GGCX: variants seen among roughly 807,000 people sequenced by gnomAD.
GGCX encodes vitamin K-dependent gamma-carboxylase.
Under a neutral mutation model 88.5 loss-of-function variants are expected in GGCX, and 63 were observed. The observed-to-expected ratio is 0.71, with a 90% CI of 0.58 to 0.88. The LOEUF (loss-of-function observed/expected upper bound fraction) is 0.88. GGCX is among the 40% of genes least tolerant of loss of function. GGCX has a pLI of 0.00. For synonymous variants in GGCX, 368 were observed against 365.8 expected (o/e 1.01, Z -0.07); for missense variants, 805 against 932.9 (o/e 0.86, Z 1.79).
chr2:85,545,964 C>G lies in GGCX; in HGVS notation c.*3970G>C, dbSNP rs575467767. ...TTTATGGCAGGTTGTGTAGAAAATC[C>G]GCAGACCACACTGCTCTTGAACCTA... On this transcript the variant is annotated 3_prime_UTR_variant, in exon 15 of 15. Coordinates refer to ENST00000233838, the MANE Select transcript of GGCX (RefSeq NM_000821.7). 1 of 152,098 alleles carries G rather than the reference C, an allele frequency of 6.6e-6. No individual in the cohort carries two copies. The highest frequency in any genetic ancestry group is 2.4e-5 in the African/African-American group (1 of 41,408). The allele number at this position is 152,098 out of a possible 1,614,324, so 9.4% of individuals were successfully genotyped here.
chr2:85,551,110 T>G, intron 12 of GGCX, 38 bp from the exon 13 acceptor site: 1 of 1,600,246 alleles, frequency 6.2e-7, no homozygotes, highest in Middle Eastern at 1.7e-4. Flanking sequence ...TTCATCAGCT[T>G]TTCTCTAGCC....
At position 85,551,569 on chromosome 2, in the gene GGCX, T is replaced by G. The variant is rs754910632; in HGVS notation, c.1651A>C (p.Thr551Pro). 1 of 1,613,996 alleles carries G rather than the reference T, an allele frequency of 6.2e-7. No homozygotes were observed. Among genetic ancestry groups the G allele is most frequent in the Non-Finnish European group, 8.5e-7 (1 of 1,179,930 alleles). ...TCCCCCTGCAGCAGCTGGATGCTAG[T>G]GTTGCCCAGGTCTTCACTCACAAAA... ...ENFVSEDLGN[T>P]SIQLLQGEVT... is the part of the protein sequence containing the mutation. Residue 551 changes from threonine (T) to proline (P), a missense_variant, in exon 12 of 15, where the codon ACT becomes CCT. This residue lies in a region of GGCX where 680 missense variants were observed against 763.7 expected (regional missense o/e 0.89). Transcript: ENST00000233838.
At position 85,554,273 on chromosome 2, in the gene GGCX, C is replaced by G; in HGVS notation, c.759G>C (p.Leu253=). ...GCAGCAGCCCACCCCAGTGCACGAC[C>G]AGCAGGCTAGTCAGCTCCTCAGACA... ...LLLSEELTSL[L]VVHWGGLLLD... The change falls in exon 7 of 15, where the codon CTG becomes CTC. Residue 253 remains leucine (L), a synonymous_variant. Transcript: ENST00000233838. 6.2e-7 allele frequency: 1 copy of G among 1,613,990 alleles called. No homozygotes were observed. The highest frequency in any genetic ancestry group is 8.5e-7 in the Non-Finnish European group (1 of 1,179,876).
rs774361507 is a variant in GGCX, at chr2:85,553,227, C to T, written c.1155+5G>A. ...TTTGCTGTACACTCCACAGCCCCTA[C>T]AAACCTGGGTGAGAAAATGAGAATA... On this transcript the variant is annotated splice_donor_5th_base_variant and intron_variant, in intron 8 of 14. Coordinates refer to ENST00000233838, the MANE Select transcript of GGCX (RefSeq NM_000821.7). The T allele has an allele frequency of 1.9e-6, 3 of 1,614,246 alleles. No homozygotes were observed. Among genetic ancestry groups the T allele is most frequent in the Non-Finnish European group, 1.7e-6 (2 of 1,180,032 alleles).
rs1692090349 is a variant in GGCX at position 85,553,907 on chromosome 2, T to C, written c.889+236A>G. The stretch of plus-strand genomic sequence containing the variant: ...TGAGCCACCAAGCCCGGCCACAAAG[T>C]AGTTCTTAACTGTAAGATATTTGTT... On this transcript the variant is annotated intron_variant, in intron 7 of 14. Transcript: ENST00000233838. 4.0e-5 allele frequency: 22 copies of C among 554,308 alleles called. No homozygotes were observed. The East Asian group carries it at 7.1e-4, about 18-fold the overall frequency. The allele number at this position is 554,308 out of a possible 1,614,324, so 34.3% of individuals were successfully genotyped here.
intron 1 of GGCX, 90 bp downstream of exon 1, chr2:85,561,296 C>G: frequency 1.3e-6 from 1 of 754,166 alleles, no homozygotes; most frequent in Admixed American, 2.6e-5. Context: ...CCCCGCCTCA[C>G]CGGGAGACAC....
Position 85,552,609 on chromosome 2 carries a change from A to T in GGCX, c.1288-42T>A, listed in dbSNP as rs758685382. On this transcript the variant is annotated intron_variant, in intron 9 of 14. Transcript: ENST00000233838. Reference sequence around the variant, plus strand: ...TATTAGTCCCACCTCATCATTATCAACTTCCAAGACATGTCATGCACTGCC... The same window carrying T: ...TATTAGTCCCACCTCATCATTATCATCTTCCAAGACATGTCATGCACTGCC... 2.5e-6 allele frequency: 4 copies of T among 1,581,450 alleles called. No individual in the cohort carries two copies. In the South Asian group the frequency reaches 4.4e-5, roughly 17 times the overall value.
At chr2:85,550,260 C>A in intron 14 of GGCX, 134 bp from the exon 15 acceptor site, 1 of 724,156 alleles carries the variant, frequency 1.4e-6, no homozygotes. Flanking sequence ...CCAAGTGACC[C>A]TCCATCTCCC....
chr2:85,550,815 C>T, intron 13 of GGCX, 65 bp from the exon 14 acceptor site: 1 of 1,584,204 alleles, frequency 6.3e-7, no homozygotes, highest in Admixed American at 1.7e-5. Flanking sequence ...TAGAACTCCT[C>T]TTCTGCCAGC....
chr2:85,556,600 ATG>A (rs1692214155), intron 4 of GGCX, among the ~76,000 whole-genome samples: 1 of 152,212 alleles, frequency 6.6e-6, no homozygotes, highest in Non-Finnish European at 1.5e-5. Context: ...AAAGCTATGT[ATG>A]TGTAAATAAA....
intron 6 of GGCX, chr2:85,554,658 A>T (rs1692130425): frequency 2.8e-6 from 1 of 355,002 alleles, no homozygotes; most frequent in Non-Finnish European, 5.5e-6. Context: ...TTTTGTAGAG[A>T]CAGTGTCTTA....
Position 85,546,197 on chromosome 2 carries a change from C to T in GGCX, c.*3737G>A, listed in dbSNP as rs1011246628. On this transcript the variant is annotated 3_prime_UTR_variant, in exon 15 of 15. Transcript: ENST00000233838. Reference sequence around the variant, plus strand: ...GTAATATAGGCGTGAGCCTATAATCCTAGCACTTTGGGAGGCCAAGGCATG... The same window carrying T: ...GTAATATAGGCGTGAGCCTATAATCTTAGCACTTTGGGAGGCCAAGGCATG... 2.6e-5 allele frequency: 4 copies of T among 152,362 alleles called. No individual in the cohort carries two copies. The highest frequency in any genetic ancestry group is 3.4e-3 in the Middle Eastern group (1 of 294). 9.4% of individuals were successfully genotyped at this position (152,362 alleles called of 1,614,324 possible).
chr2:85,545,361 TAGG>T lies in GGCX; in HGVS notation c.*4570_*4572del, dbSNP rs1691605562. 1 of 152,608 alleles carries T rather than the reference TAGG, an allele frequency of 6.6e-6. No individual in the cohort carries two copies. The highest frequency in any genetic ancestry group is 2.4e-5 in the African/African-American group (1 of 41,442). 9.5% of individuals were successfully genotyped at this position (152,608 alleles called of 1,614,324 possible). ...ATCCCAACACTTTGAAAGGCTGAGG[TAGG>T]AGGATCACTTTAACATAGAAGTTGG... On this transcript the variant is annotated 3_prime_UTR_variant, in exon 15 of 15. Transcript: ENST00000233838.
In GGCX at chr2:85,553,213, C is replaced by T. The variant is rs769706130; in HGVS notation, c.1155+19G>A. On this transcript the variant is annotated intron_variant, in intron 8 of 14. Transcript: ENST00000233838. Reference sequence around the variant, plus strand: ...TTCTAAGTCCAGCCTTTGCTGTACACTCCACAGCCCCTACAAACCTGGGTG... The same window carrying T: ...TTCTAAGTCCAGCCTTTGCTGTACATTCCACAGCCCCTACAAACCTGGGTG... 6.2e-7 allele frequency: 1 copy of T among 1,613,658 alleles called. No homozygotes were observed. Among genetic ancestry groups the T allele is most frequent in the East Asian group, 2.2e-5 (1 of 44,890 alleles).
chr2:85,553,881 C>A, intron 7 of GGCX: 1 of 513,304 alleles, frequency 1.9e-6, no homozygotes, highest in Non-Finnish European at 3.5e-6. Flanking sequence ...GATTACAAAC[C>A]TGAGCCACCA....
chr2:85,545,696 C>A lies in GGCX; in HGVS notation c.*4238G>T, dbSNP rs1433507677. ...AGTTTTCAACTAAGGTTGAGGGCTT[C>A]AAACCATTGAAGGCATAAAAACCGC... On this transcript the variant is annotated 3_prime_UTR_variant, in exon 15 of 15. Coordinates refer to ENST00000233838, the MANE Select transcript of GGCX (RefSeq NM_000821.7). 1 of 148,498 alleles carries A rather than the reference C, an allele frequency of 6.7e-6. No homozygotes were observed. Among genetic ancestry groups the A allele is most frequent in the African/African-American group, 2.6e-5 (1 of 37,922 alleles). 9.2% of individuals were successfully genotyped at this position (148,498 alleles called of 1,614,324 possible).
chr2:85,550,201 G>A (rs1463166617), intron 14 of GGCX, 75 bp from the exon 15 acceptor site: 2 of 1,100,278 alleles, frequency 1.8e-6, no homozygotes, highest in Non-Finnish European at 2.8e-6. Context: ...GCCCTTAGAA[G>A]GCACCTGGTC....
intron 6 of GGCX, 142 bp downstream of exon 6, chr2:85,555,342 C>T (rs1260747154): frequency 4.6e-6 from 3 of 650,664 alleles, no homozygotes; most frequent in Non-Finnish European, 8.5e-6. Context: ...GACTCTGCTT[C>T]TGCTGAATAG....
At chr2:85,551,277 T>C (rs139193391) in intron 12 of GGCX, among the ~76,000 whole-genome samples, 2,777 of 152,228 alleles carry the variant, frequency 0.018, 38 homozygotes, top group Middle Eastern at 0.034. Context: ...TATGGTAAAA[T>C]ATTTTCAGTC....
Sources: allele counts gnomAD v4.1 joint callset (sites outside exome capture counted in the v4.1 genomes callset), GRCh38; gene constraint gnomAD v4.1.1; regional missense constraint gnomAD v4.1.1; transcripts MANE v1.5; gene names NCBI Gene and HGNC (gene_info 2026-07-23, HGNC 2026-07-21).